CACNA1I: variants seen among roughly 807,000 people sequenced by gnomAD.
CACNA1I encodes the protein calcium voltage-gated channel subunit alpha1 I.
A neutral mutation model predicts 201.6 loss-of-function variants in CACNA1I; 74 were observed. The ratio of observed to expected loss-of-function variants is 0.37; its 90% CI spans 0.30 to 0.45. The LOEUF (loss-of-function observed/expected upper bound fraction) is 0.45. Among genes scored for constraint, CACNA1I ranks in the 20% least tolerant of loss-of-function variants. CACNA1I has a pLI of 1.00. For synonymous variants in CACNA1I, 1,431 were observed against 1,345.2 expected, an observed-to-expected ratio of 1.06 and a Z score of -1.40; for missense variants, 2,346 against 3,138.1, an observed-to-expected ratio of 0.75 and a Z score of 6.03.
chr22:39,668,062 G>A (rs1016735245), intron 23 of CACNA1I, among the ~76,000 whole-genome samples: 15 of 152,156 alleles, frequency 9.9e-5, no homozygotes, highest in Admixed American at 2.6e-4. Flanking sequence ...ACCCAGGACC[G>A]TGGGTCCAGC....
At chr22:39,625,147 C>A (rs1933863526) in intron 4 of CACNA1I, among the ~76,000 whole-genome samples, 1 of 151,990 alleles carries the variant, frequency 6.6e-6, no homozygotes, top group African/African-American at 2.4e-5. Context: ...ACCTTGTGAT[C>A]CACCCGTCTC....
At chr22:39,584,317 G>T (rs778311679) in intron 1 of CACNA1I, among the ~76,000 whole-genome samples, 2 of 152,084 alleles carry the variant, frequency 1.3e-5, no homozygotes, top group African/African-American at 2.4e-5. Flanking sequence ...TGGTGATGGG[G>T]GTGCATCCTT....
At chr22:39,622,366 T>G in intron 4 of CACNA1I, among the ~76,000 whole-genome samples, 2 of 101,368 alleles carry the variant, frequency 2.0e-5, no homozygotes, top group Non-Finnish European at 2.0e-5. Context: ...GGATGGGGAT[T>G]GAGTAGGTGG....
chr22:39,578,077 G>A (rs111412360), intron 1 of CACNA1I, among the ~76,000 whole-genome samples: 3,824 of 152,278 alleles, frequency 0.025, 158 homozygotes, highest in African/African-American at 0.087. Flanking sequence ...GGGCGGAGAC[G>A]CCTAGGGCTT....
rs1390257449 is a variant in CACNA1I, at chr22:39,598,547, C to A, written c.348+285C>A. Among the ~76,000 whole-genome samples the A allele has an allele frequency of 3.3e-5, 5 of 152,002 alleles. No homozygotes were observed. In the East Asian group the frequency reaches 7.7e-4, roughly 23 times the overall value. ...TTTATCTCTCCTCTCCACCTTGAAGCCTCTACCTTAGTCCAGGCCTCAATC... is the reference window on the plus strand; with the variant it reads ...TTTATCTCTCCTCTCCACCTTGAAGACTCTACCTTAGTCCAGGCCTCAATC... On this transcript the variant is annotated intron_variant, in intron 2 of 36. Transcript: ENST00000402142.
chr22:39,662,252 C>T lies in CACNA1I; in HGVS notation c.3189C>T (p.Asp1063=). ...GGACGCTGTCCCTCGACAACAGGGA[C>T]TCGGTGGACCTGGCCGAGCTGGTGC... is the stretch of plus-strand genomic sequence containing the variant. ...HRRTLSLDNR[D]SVDLAELVPA... Residue 1063 remains aspartate, a synonymous_variant, in exon 17 of 37, where the codon GAC becomes GAT. Transcript: ENST00000402142. The T allele has an allele frequency of 1.3e-6, 2 of 1,524,868 alleles. No individual in the cohort carries two copies. Among genetic ancestry groups the T allele is most frequent in the Non-Finnish European group, 1.8e-6 (2 of 1,140,968 alleles). The allele number at this position is 1,524,868 out of a possible 1,614,324, so 94.5% of individuals were successfully genotyped here. A position where few individuals can be genotyped will look rare whatever the true frequency, so the allele number is the denominator to read the frequency against.
intron 10 of CACNA1I, among the ~76,000 whole-genome samples, chr22:39,657,450 A>C (rs568263990): frequency 6.6e-6 from 1 of 152,240 alleles, no homozygotes; most frequent in South Asian, 2.1e-4. Flanking sequence ...CATTGTGTCC[A>C]CCGTCCTTTC....
chr22:39,613,237 T>C (rs1933432383), intron 3 of CACNA1I, among the ~76,000 whole-genome samples: 1 of 152,140 alleles, frequency 6.6e-6, no homozygotes. Flanking sequence ...TTTGACAAAC[T>C]CACACAGGGA....
intron 19 of CACNA1I, 79 bp downstream of exon 19, chr22:39,663,920 C>G: frequency 6.3e-7 from 1 of 1,583,244 alleles, no homozygotes; most frequent in Non-Finnish European, 8.6e-7. Flanking sequence ...GCAGGGAGAC[C>G]TCACCGAGGT....
chr22:39,620,565 A>G (rs147720697), intron 4 of CACNA1I, among the ~76,000 whole-genome samples: 1 of 152,314 alleles, frequency 6.6e-6, no homozygotes, highest in Non-Finnish European at 1.5e-5. Context: ...AGATGAAAAA[A>G]CTAAGACTTG....
chr22:39,686,193 A>G lies in CACNA1I; in HGVS notation c.6460A>G (p.Ser2154Gly), dbSNP rs1229239107. Residue 2154 changes from serine (S) to glycine (G), a missense_variant, in exon 37 of 37, where the codon AGC (serine) becomes GGC (glycine). By Grantham distance (56) the Ser-to-Gly change is moderately conservative (BLOSUM62 0). Around this residue, in one of 13 missense-constraint regions of CACNA1I, gnomAD observed 187 missense variants for 151.0 expected, o/e 1.24. Coordinates refer to ENST00000402142, the MANE Select transcript of CACNA1I (RefSeq NM_021096.4). The part of the protein sequence containing the change: ...APGLTPARKF[S>G]STSSLAAPGR... ...CGGCCTCACGCCCGCCAGGAAGTTC[A>G]GCAGCACCAGCAGCCTGGCCGCCCC... The G allele has an allele frequency of 3.9e-6, 5 of 1,270,388 alleles. No individual in the cohort carries two copies. Among genetic ancestry groups the G allele is most frequent in the South Asian group, 2.6e-5 (1 of 38,224 alleles). 78.7% of individuals were successfully genotyped at this position (1,270,388 alleles called of 1,614,324 possible). A position where few individuals can be genotyped will look rare whatever the true frequency, so the allele number is the denominator to read the frequency against.
rs142041989 is a variant in CACNA1I at position 39,616,282 on chromosome 22, A to C, written c.483-3028A>C. On this transcript the variant is annotated intron_variant, in intron 3 of 36. Transcript: ENST00000402142. ...GAGGTTGCCCAAGTCTGTAGCCGAG[A>C]GCACACGTGTCTGATCAGCCTCCTG... Among the ~76,000 whole-genome samples, 1,277 of 152,214 alleles carry C rather than the reference A, an allele frequency of 8.4e-3. 8 individuals carry two copies. Among genetic ancestry groups the C allele is most frequent in the Non-Finnish European group, 0.013 (869 of 68,006 alleles).
chr22:39,613,592 G>A (rs928534426), intron 3 of CACNA1I, among the ~76,000 whole-genome samples: 7 of 152,344 alleles, frequency 4.6e-5, no homozygotes, highest in East Asian at 3.9e-4. Flanking sequence ...CACAAGCAGC[G>A]AGCTGGGATT....
At chr22:39,656,084 ACTC>A (rs1432522110) in intron 10 of CACNA1I, among the ~76,000 whole-genome samples, 2 of 151,754 alleles carry the variant, frequency 1.3e-5, no homozygotes, top group Non-Finnish European at 2.9e-5. Context: ...TCAGGGTCCT[ACTC>A]CTCTTTTGGG....
rs1935556224 is a variant in CACNA1I at position 39,677,692 on chromosome 22, T to C, written c.4933+273T>C. Among the ~76,000 whole-genome samples, 2 of 152,310 alleles carry C rather than the reference T, an allele frequency of 1.3e-5. No individual in the cohort carries two copies. Among genetic ancestry groups the C allele is most frequent in the Admixed American group, 1.3e-4 (2 of 15,302 alleles). On this transcript the variant is annotated intron_variant, in intron 30 of 36. Coordinates refer to ENST00000402142, the MANE Select transcript of CACNA1I (RefSeq NM_021096.4). This position sits in a 1 kb window ranked among gnomAD's most constrained non-coding sequence, Gnocchi z 4.8. Reference sequence around the variant, plus strand: ...ACAGAGCGCTCGCTGAGCTCCGCCCTGCACCGGGATGGCTCCAGAAAGCAG... The same window carrying C: ...ACAGAGCGCTCGCTGAGCTCCGCCCCGCACCGGGATGGCTCCAGAAAGCAG...
intron 29 of CACNA1I, among the ~76,000 whole-genome samples, chr22:39,675,602 A>G (rs1332814153): frequency 6.6e-6 from 1 of 152,236 alleles, no homozygotes; most frequent in African/African-American, 2.4e-5. Context: ...GCTGTTGCTC[A>G]TGTTGTTGTA....
intron 2 of CACNA1I, among the ~76,000 whole-genome samples, chr22:39,598,941 G>GTTTTT (rs3044380): frequency 0.041 from 2,775 of 68,226 alleles, 337 homozygotes; most frequent in African/African-American, 0.096. Flanking sequence ...TGCCTCTTGG[G>GTTTTT]TTTTTTTTTT....
chr22:39,685,798 G>T lies in CACNA1I; in HGVS notation c.6065G>T (p.Ser2022Ile), dbSNP rs544398942. 4.7e-6 allele frequency: 7 copies of T among 1,496,706 alleles called. No homozygotes were observed. The African/African-American group carries it at 8.7e-5, about 19-fold the overall frequency. 92.7% of individuals were successfully genotyped at this position (1,496,706 alleles called of 1,614,324 possible). A position where few individuals can be genotyped will look rare whatever the true frequency, so the allele number is the denominator to read the frequency against. ...GACACGTCGCTGGACGCCAGCCCCA[G>T]CAGCTCCGCGGGCAGCCTGCAGACC... ...GSDTSLDASP[S>I]SSAGSLQTTL... Residue 2022 changes from serine to isoleucine, a missense_variant, in exon 37 of 37, where the codon AGC becomes ATC. Around this residue, in one of 13 missense-constraint regions of CACNA1I, gnomAD observed 441 missense variants for 555.6 expected, o/e 0.79. Coordinates refer to ENST00000402142, the MANE Select transcript of CACNA1I (RefSeq NM_021096.4). This position sits in a 1 kb window ranked among gnomAD's most constrained non-coding sequence, Gnocchi z 5.0.
chr22:39,678,907 G>T (rs149954789), intron 31 of CACNA1I, among the ~76,000 whole-genome samples, 200 bp from the exon 32 acceptor site: 1 of 152,182 alleles, frequency 6.6e-6, no homozygotes, highest in Non-Finnish European at 1.5e-5. Flanking sequence ...TGGGCCATCC[G>T]TCTGTCCATG....
Sources: gnomAD v4.1 joint callset for allele counts (sites outside exome capture counted in the v4.1 genomes callset) on GRCh38, gnomAD v4.1.1 for gene constraint, gnomAD v4.1.1 regional missense constraint, Gnocchi (gnomAD v3.1) non-coding constraint, MANE v1.5 for transcripts, NCBI Gene and HGNC (gene_info 2026-07-23, HGNC 2026-07-21) for gene names.